The following APBB2 variants were observed in gnomAD, a reference collection of about 807,000 sequenced individuals.
The protein encoded by APBB2 is amyloid beta precursor protein binding family B member 2.
A neutral mutation model predicts 82.5 loss-of-function variants in APBB2; 38 were observed. The ratio of observed to expected loss-of-function variants is 0.46; its 90% CI spans 0.36 to 0.60. APBB2 has a LOEUF of 0.60. Ranked by LOEUF, APBB2 falls within the 20% of genes least tolerant of loss-of-function variation. The probability of loss-of-function intolerance (pLI) is 0.00; values close to 1 mark genes in which losing one functional copy is unlikely to be tolerated. For synonymous variants in APBB2, 341 were observed against 368.2 expected, an observed-to-expected ratio of 0.93 and a Z score of 0.85; for missense variants, 772 against 972.3, an observed-to-expected ratio of 0.79 and a Z score of 2.74.
At chr4:40,890,203 TA>T in intron 12 of APBB2, 160 bp downstream of exon 12, 1 of 954,960 alleles carries the variant, frequency 1.0e-6, no homozygotes, top group Non-Finnish European at 1.5e-6. Flanking sequence ...TTGAAGTCTT[TA>T]AGAGGCAGGG....
intron 6 of APBB2, among the ~76,000 whole-genome samples, chr4:40,970,113 CG>C (rs1187030008): frequency 1.3e-5 from 2 of 152,072 alleles, no homozygotes; most frequent in Non-Finnish European, 2.9e-5. Context: ...AGGAAGCAAC[CG>C]TTTATTCAAA....
At chr4:41,076,000 G>C (rs1370714994) in intron 3 of APBB2, among the ~76,000 whole-genome samples, 1 of 152,158 alleles carries the variant, frequency 6.6e-6, no homozygotes, top group Non-Finnish European at 1.5e-5. Context: ...TTACAACCCG[G>C]TGCTTATCTC....
At chr4:41,142,018 T>G (rs1012009230) in intron 2 of APBB2, among the ~76,000 whole-genome samples, 16 of 152,088 alleles carry the variant, frequency 1.1e-4, no homozygotes, top group African/African-American at 3.9e-4. Context: ...GGTCACCTCC[T>G]CTAACTACAT....
At chr4:40,977,282 A>T (rs1182942807) in intron 6 of APBB2, among the ~76,000 whole-genome samples, 1 of 151,962 alleles carries the variant, frequency 6.6e-6, no homozygotes, top group Non-Finnish European at 1.5e-5. Flanking sequence ...ATACTAATTA[A>T]GAAAAGAACC....
intron 4 of APBB2, among the ~76,000 whole-genome samples, chr4:41,037,830 C>A (rs1034398255): frequency 2.0e-5 from 3 of 152,068 alleles, no homozygotes; most frequent in African/African-American, 7.2e-5. Flanking sequence ...CCAGCCTGGC[C>A]AACATGTGAA....
intron 6 of APBB2, among the ~76,000 whole-genome samples, chr4:40,982,956 T>A (rs992284408): frequency 6.6e-6 from 1 of 152,204 alleles, no homozygotes; most frequent in Admixed American, 6.5e-5. Context: ...CCCTTTGTCA[T>A]GCCCTTCTAG....
chr4:41,043,390 T>A (rs1046292833), intron 4 of APBB2, among the ~76,000 whole-genome samples: 10 of 152,104 alleles, frequency 6.6e-5, no homozygotes, highest in African/African-American at 2.4e-4. Flanking sequence ...AAAAACTAAC[T>A]GTAAAACAGT....
intron 12 of APBB2, among the ~76,000 whole-genome samples, chr4:40,851,242 G>A (rs1231232238): frequency 6.6e-6 from 1 of 152,162 alleles, no homozygotes; most frequent in Admixed American, 6.5e-5. Context: ...GTTCCACCAA[G>A]ATGCAAGAGT....
At chr4:40,856,966 C>T in intron 12 of APBB2, 1 of 985,538 alleles carries the variant, frequency 1.0e-6, no homozygotes, top group Non-Finnish European at 1.2e-6. Flanking sequence ...GGCTCGACCC[C>T]CGTTCCCCCT....
At chr4:41,135,474 G>C (rs1014869971) in intron 2 of APBB2, among the ~76,000 whole-genome samples, 2 of 152,108 alleles carry the variant, frequency 1.3e-5, no homozygotes, top group African/African-American at 4.8e-5. Flanking sequence ...TATTTGAATA[G>C]ATAATAATCA....
In APBB2 at chr4:40,940,323, T is replaced by C. The variant is rs922806403; in HGVS notation, c.1044+4542A>G. 2.6e-5 allele frequency among the ~76,000 whole-genome samples: 4 copies of C among 152,178 alleles called. No individual in the cohort carries two copies. The East Asian group carries it at 7.7e-4, about 29-fold the overall frequency. ...TCATTAGAGGACCTGCTGTCCTACT[T>C]ACTCAGCGTAAATCACTTGGAGAGC... On this transcript the variant is annotated intron_variant, in intron 7 of 17. Transcript: ENST00000508593.
At chr4:41,050,379 CAT>C (rs967755292) in intron 4 of APBB2, among the ~76,000 whole-genome samples, 4 of 152,234 alleles carry the variant, frequency 2.6e-5, no homozygotes, top group African/African-American at 9.6e-5. Flanking sequence ...TCACCATCCC[CAT>C]TTTACAGATG....
chr4:40,844,360 T>C (rs1277092498), intron 12 of APBB2, among the ~76,000 whole-genome samples: 1 of 152,216 alleles, frequency 6.6e-6, no homozygotes, highest in Non-Finnish European at 1.5e-5. Context: ...ATTATAAGCA[T>C]GAAGTTAAAT....
chr4:41,039,696 C>CA (rs1720598979), intron 4 of APBB2, among the ~76,000 whole-genome samples: 1 of 152,046 alleles, frequency 6.6e-6, no homozygotes, highest in Non-Finnish European at 1.5e-5. Flanking sequence ...CTCATCTCCA[C>CA]AAAAAATTTA....
intron 2 of APBB2, among the ~76,000 whole-genome samples, chr4:41,130,705 C>A (rs1755719665): frequency 1.3e-5 from 2 of 152,238 alleles, no homozygotes; most frequent in South Asian, 4.2e-4. Flanking sequence ...CACTGTGAGG[C>A]CTTCTACAGA....
chr4:40,820,929 C>T (rs907531866), intron 17 of APBB2, among the ~76,000 whole-genome samples: 27 of 152,000 alleles, frequency 1.8e-4, no homozygotes, highest in Non-Finnish European at 3.4e-4. Context: ...AGTGCAATGA[C>T]GCGATCTCGG....
At chr4:41,152,553 C>T (rs922438402) in intron 1 of APBB2, among the ~76,000 whole-genome samples, 3 of 152,136 alleles carry the variant, frequency 2.0e-5, no homozygotes, top group Non-Finnish European at 4.4e-5. Flanking sequence ...TGGTCTCGAT[C>T]TCCTGACCTC....
At chr4:41,049,115 T>C (rs1252551792) in intron 4 of APBB2, among the ~76,000 whole-genome samples, 17 of 137,322 alleles carry the variant, frequency 1.2e-4, no homozygotes, top group South Asian at 2.5e-4. Flanking sequence ...CGTCTCTGCC[T>C]GGCCGCCCAT....
At chr4:41,148,306 T>G (rs966463312) in intron 1 of APBB2, among the ~76,000 whole-genome samples, 1 of 152,200 alleles carries the variant, frequency 6.6e-6, no homozygotes, top group South Asian at 2.1e-4. Flanking sequence ...GATGAAGAAA[T>G]TAACAGATTT....
Sources: allele counts gnomAD v4.1 joint callset (sites outside exome capture counted in the v4.1 genomes callset), GRCh38; gene constraint gnomAD v4.1.1; transcripts MANE v1.5; gene names NCBI Gene and HGNC (gene_info 2026-07-23, HGNC 2026-07-21).